Variants in ITSN1 observed in about 807,000 individuals in gnomAD.
The protein encoded by ITSN1 is intersectin-1.
ITSN1 carries 58 observed loss-of-function variants against 239.8 expected under a neutral mutation model. The observed-to-expected ratio is 0.24, with a 90% CI of 0.20 to 0.30. The LOEUF is 0.30. Ranked by LOEUF, ITSN1 falls within the 10% of genes least tolerant of loss-of-function variation. The probability of loss-of-function intolerance (pLI) is 1.00; values close to 1 mark genes in which losing one functional copy is unlikely to be tolerated. For missense variants in ITSN1, 1,558 were observed against 2,103.3 expected (o/e 0.74, Z 5.07); for synonymous variants, 780 against 770.8 (o/e 1.01, Z -0.20).
chr21:33,680,532 T>C (rs1209318909), intron 1 of ITSN1, among the ~76,000 whole-genome samples: 4 of 152,106 alleles, frequency 2.6e-5, no homozygotes, highest in Non-Finnish European at 5.9e-5. Context: ...GGTTTCGCCA[T>C]GTTGGCCAGG....
At chr21:33,778,679 C>T (rs1434558689) in intron 14 of ITSN1, among the ~76,000 whole-genome samples, 7 of 129,450 alleles carry the variant, frequency 5.4e-5, no homozygotes, top group East Asian at 2.5e-4. Flanking sequence ...CCCGGGTTCA[C>T]GCCATTCTCC....
At chr21:33,679,298 T>C (rs935328977) in intron 1 of ITSN1, among the ~76,000 whole-genome samples, 2 of 152,200 alleles carry the variant, frequency 1.3e-5, no homozygotes, top group African/African-American at 4.8e-5. Context: ...AACGTTCTAG[T>C]TGATGATGTC....
chr21:33,735,371 ATGTTCACATTTGAACCC>A (rs952352584), intron 5 of ITSN1, 167 bp downstream of exon 5: 34 of 751,394 alleles, frequency 4.5e-5, no homozygotes, highest in Middle Eastern at 3.6e-4. Flanking sequence ...AAGAAGGAGC[ATGTTCACATTTGAACCC>A]TGGGATGTAA....
intron 20 of ITSN1, among the ~76,000 whole-genome samples, chr21:33,810,109 A>G (rs946194204): frequency 2.6e-5 from 4 of 152,152 alleles, no homozygotes; most frequent in Admixed American, 6.5e-5. Context: ...AAATTTCCCA[A>G]TAGCAAATGT....
At chr21:33,765,526 G>T (rs1161993549) in intron 9 of ITSN1, among the ~76,000 whole-genome samples, 1 of 152,132 alleles carries the variant, frequency 6.6e-6, no homozygotes, top group East Asian at 1.9e-4. Context: ...ACTGCAGTGA[G>T]GCTGCAGTGA....
At chr21:33,824,806 G>C (rs896953852) in intron 25 of ITSN1, among the ~76,000 whole-genome samples, 4 of 152,090 alleles carry the variant, frequency 2.6e-5, no homozygotes, top group Admixed American at 2.6e-4. Context: ...TTCTTGCTGC[G>C]GTCTTGAGAG....
chr21:33,788,612 TC>T (rs1175233937), intron 16 of ITSN1, among the ~76,000 whole-genome samples: 1 of 152,116 alleles, frequency 6.6e-6, no homozygotes, highest in Non-Finnish European at 1.5e-5. Flanking sequence ...GCACCTGTAA[TC>T]CCAGCTGCTC....
chr21:33,682,395 G>A (rs1372400981), intron 1 of ITSN1, among the ~76,000 whole-genome samples: 3 of 151,538 alleles, frequency 2.0e-5, no homozygotes, highest in Admixed American at 6.6e-5. Context: ...TTGTATTTTT[G>A]GTAGAGGCGG....
In ITSN1 at chr21:33,883,639, C is replaced by G; in HGVS notation, c.4644C>G (p.Val1548=). 6.2e-7 allele frequency: 1 copy of G among 1,613,748 alleles called. No homozygotes were observed. The highest frequency in any genetic ancestry group is 8.5e-7 in the Non-Finnish European group (1 of 1,179,732). ...PIFHISHIDR[V]YTLRAESINE... ...TCCACATCTCCCACATTGACCGCGT[C>G]TATACTCTCCGAGCAGAAAGCATAA... Residue 1548 remains valine, a synonymous_variant, in exon 36 of 40, where the codon GTC becomes GTG. Transcript: ENST00000381318.
In ITSN1 at chr21:33,722,660, GAATTTTACATGA is replaced by G. The variant is rs1569024426; in HGVS notation, c.185+20_185+31del. The G allele has an allele frequency of 1.9e-6, 3 of 1,549,796 alleles. No individual in the cohort carries two copies. Among genetic ancestry groups the G allele is most frequent in the East Asian group, 2.3e-5 (1 of 42,618 alleles). On this transcript the variant is annotated intron_variant, in intron 4 of 39. Coordinates refer to ENST00000381318, the MANE Select transcript of ITSN1 (RefSeq NM_003024.3). ...GTTTTAGCACAGATATGGTAAGTTG[GAATTTTACATGA>G]AATTTTACATAAGCATAAGGCAAAA...
At chr21:33,690,788 TAC>T (rs199585542) in intron 1 of ITSN1, among the ~76,000 whole-genome samples, 9,339 of 20,342 alleles carry the variant, frequency 0.46, 2,833 homozygotes, top group African/African-American at 0.52. Flanking sequence ...TATATATATA[TAC>T]ATATATATAT....
At chr21:33,750,353 T>A in intron 6 of ITSN1, 31 bp downstream of exon 6, 1 of 1,580,010 alleles carries the variant, frequency 6.3e-7, no homozygotes. Flanking sequence ...ATAGGCTGAG[T>A]TTTTACTACT....
At chr21:33,724,009 A>G (rs1260352070) in intron 4 of ITSN1, among the ~76,000 whole-genome samples, 7 of 152,204 alleles carry the variant, frequency 4.6e-5, no homozygotes, top group Non-Finnish European at 1.0e-4. Context: ...AACACAATCT[A>G]AGCTTTTCTT....
intron 8 of ITSN1, among the ~76,000 whole-genome samples, chr21:33,760,053 G>T (rs1360303967): frequency 6.6e-6 from 1 of 151,792 alleles, no homozygotes; most frequent in Non-Finnish European, 1.5e-5. Context: ...AGGGAGCCAA[G>T]ATGGCGCCAC....
At chr21:33,697,662 AG>A (rs2091855878) in intron 1 of ITSN1, among the ~76,000 whole-genome samples, 1 of 152,146 alleles carries the variant, frequency 6.6e-6, no homozygotes, top group African/African-American at 2.4e-5. Flanking sequence ...TTGATTTGAA[AG>A]GCTCTTATCT....
At chr21:33,661,241 T>TA (rs35668241) in intron 1 of ITSN1, among the ~76,000 whole-genome samples, 84,363 of 150,110 alleles carry the variant, frequency 0.56, 25,855 homozygotes, top group East Asian at 0.81. Flanking sequence ...CGAGTTCCTG[T>TA]AAAAAAAAAA....
chr21:33,833,461 C>T (rs772268639), intron 27 of ITSN1, among the ~76,000 whole-genome samples: 2 of 152,242 alleles, frequency 1.3e-5, no homozygotes, highest in Non-Finnish European at 2.9e-5. Context: ...TTGCCACTAA[C>T]TGCCTGTGGC....
Position 33,810,927 on chromosome 21 carries a change from A to G in ITSN1, c.2320-48A>G, listed in dbSNP as rs146793403. The G allele has an allele frequency of 2.4e-4, 395 of 1,613,072 alleles. 4 individuals are homozygous for G. In the East Asian group the frequency reaches 8.3e-3, roughly 34 times the overall value. On this transcript the variant is annotated intron_variant, in intron 20 of 39. Coordinates refer to ENST00000381318, the MANE Select transcript of ITSN1 (RefSeq NM_003024.3). ...TTCACTGTAGTTGGGTGCTGGGTCT[A>G]TTCAGGGGTTAATTTAGTTCTACTT...
intron 1 of ITSN1, among the ~76,000 whole-genome samples, chr21:33,708,387 TTC>T (rs1311230845): frequency 6.6e-6 from 1 of 152,170 alleles, no homozygotes; most frequent in African/African-American, 2.4e-5. Flanking sequence ...TACTAATTTT[TTC>T]TTTTTTGTTT....
Sources: allele counts gnomAD v4.1 joint callset (sites outside exome capture counted in the v4.1 genomes callset), GRCh38; gene constraint gnomAD v4.1.1; transcripts MANE v1.5; gene names NCBI Gene and HGNC (gene_info 2026-07-23, HGNC 2026-07-21).